The following PCDH15 variants were observed in gnomAD, a reference collection of about 807,000 sequenced individuals.
PCDH15 encodes the protein protocadherin related 15.
A neutral mutation model predicts 178.5 loss-of-function variants in PCDH15; 129 were observed. That is an observed-to-expected ratio of 0.72 (90% confidence interval 0.63 to 0.84). PCDH15 has a LOEUF of 0.84. PCDH15 is among the 40% of genes least tolerant of loss of function. PCDH15 has a pLI of 0.00. For synonymous variants in PCDH15, 800 were observed against 732.0 expected, an observed-to-expected ratio of 1.09 and a Z score of -1.50; for missense variants, 2,230 against 2,099.9, an observed-to-expected ratio of 1.06 and a Z score of -1.21.
At chr10:53,968,476 C>A (rs1438759236) in intron 21 of PCDH15, among the ~76,000 whole-genome samples, 1 of 152,174 alleles carries the variant, frequency 6.6e-6, no homozygotes, top group Non-Finnish European at 1.5e-5. Flanking sequence ...ACTTCAATAT[C>A]CCTGTCTGAC....
chr10:53,968,905 CA>C (rs1458585051), intron 21 of PCDH15, among the ~76,000 whole-genome samples: 4 of 152,144 alleles, frequency 2.6e-5, no homozygotes, highest in Non-Finnish European at 5.9e-5. Context: ...GGGGAGAAAC[CA>C]GAGCAGAAAA....
At chr10:55,625,665 G>A (rs904431787) in intron 2 of PCDH15, among the ~76,000 whole-genome samples, 6 of 152,118 alleles carry the variant, frequency 3.9e-5, no homozygotes, top group African/African-American at 1.4e-4. Context: ...GGATTCTAAA[G>A]TCTTTTCAAA....
At chr10:54,050,753 G>C (rs956643845) in intron 18 of PCDH15, among the ~76,000 whole-genome samples, 2 of 152,102 alleles carry the variant, frequency 1.3e-5, no homozygotes, top group African/African-American at 4.8e-5. Context: ...GCATCGCTGA[G>C]ATTCTGGTGT....
At chr10:55,241,433 C>T (rs1841539072) in intron 1 of PCDH15, among the ~76,000 whole-genome samples, 1 of 151,856 alleles carries the variant, frequency 6.6e-6, no homozygotes, top group African/African-American at 2.4e-5. Flanking sequence ...TTGTTAAATG[C>T]CCTTTCTTTT....
At chr10:53,984,144 T>C (rs1355305444) in intron 21 of PCDH15, among the ~76,000 whole-genome samples, 1 of 63,926 alleles carries the variant, frequency 1.6e-5, no homozygotes, top group African/African-American at 4.1e-5. Flanking sequence ...TTCTTTTTTC[T>C]TTTCTTTTTT....
At chr10:55,087,585 G>T (rs1320897360) in intron 2 of PCDH15, among the ~76,000 whole-genome samples, 1 of 152,068 alleles carries the variant, frequency 6.6e-6, no homozygotes, top group African/African-American at 2.4e-5. Context: ...CTGGGTGGAG[G>T]CTTCCCTGGA....
intron 8 of PCDH15, among the ~76,000 whole-genome samples, chr10:54,300,153 AAGAGT>A (rs2060062735): frequency 6.6e-6 from 1 of 152,074 alleles, no homozygotes; most frequent in Non-Finnish European, 1.5e-5. Flanking sequence ...TTCTTAGGGG[AAGAGT>A]GTTGTTTTTA....
At chr10:54,160,269 T>C (rs914206736) in intron 13 of PCDH15, among the ~76,000 whole-genome samples, 1 of 152,186 alleles carries the variant, frequency 6.6e-6, no homozygotes, top group African/African-American at 2.4e-5. Flanking sequence ...TTTGGAATTG[T>C]TGATTTCTAG....
chr10:54,899,220 T>C (rs1245671884), intron 2 of PCDH15, among the ~76,000 whole-genome samples: 2 of 152,160 alleles, frequency 1.3e-5, no homozygotes, highest in African/African-American at 2.4e-5. Flanking sequence ...TACATGAAGA[T>C]GATGCAAATA....
chr10:54,442,422 A>T (rs1218036683), intron 3 of PCDH15, among the ~76,000 whole-genome samples: 5 of 57,422 alleles, frequency 8.7e-5, no homozygotes, highest in African/African-American at 3.3e-4. Context: ...GGCTATATAT[A>T]TATATATATA....
chr10:54,952,634 T>A (rs1398678674), intron 2 of PCDH15, among the ~76,000 whole-genome samples: 1 of 151,766 alleles, frequency 6.6e-6, no homozygotes, highest in Admixed American at 6.6e-5. Flanking sequence ...ATACATAGAA[T>A]ATCTTTCCGT....
chr10:54,367,940 A>G (rs1379688985), intron 5 of PCDH15, among the ~76,000 whole-genome samples: 1 of 151,878 alleles, frequency 6.6e-6, no homozygotes. Context: ...AAGCAAATGT[A>G]ACTCAAAGGG....
intron 2 of PCDH15, among the ~76,000 whole-genome samples, chr10:55,564,565 C>G (rs754612308): frequency 1.3e-5 from 2 of 151,552 alleles, no homozygotes; most frequent in African/African-American, 2.4e-5. Context: ...AAGACTGATA[C>G]TGGCAGCATG....
intron 2 of PCDH15, among the ~76,000 whole-genome samples, chr10:55,069,064 T>A (rs1341012850): frequency 1.3e-4 from 1 of 7,734 alleles, no homozygotes; most frequent in African/African-American, 7.1e-4. Context: ...TGTCCAGCTA[T>A]TTTTTTTTTT....
intron 2 of PCDH15, among the ~76,000 whole-genome samples, chr10:55,340,260 T>C (rs1475999537): frequency 6.6e-6 from 1 of 151,076 alleles, no homozygotes; most frequent in Admixed American, 6.6e-5. Flanking sequence ...ATATTACATT[T>C]CATATATCTT....
chr10:53,890,277 A>T (rs2081463379), intron 26 of PCDH15, among the ~76,000 whole-genome samples: 1 of 152,124 alleles, frequency 6.6e-6, no homozygotes, highest in Admixed American at 6.5e-5. Context: ...AATACAAAAA[A>T]TTAGCTAGAC....
chr10:55,031,100 T>G (rs1177191996), intron 2 of PCDH15, among the ~76,000 whole-genome samples: 1 of 152,154 alleles, frequency 6.6e-6, no homozygotes, highest in Non-Finnish European at 1.5e-5. Context: ...ACTGTAAGAT[T>G]TGTTTATACC....
At chr10:55,128,715 A>G (rs1334911667) in intron 2 of PCDH15, among the ~76,000 whole-genome samples, 2 of 151,968 alleles carry the variant, frequency 1.3e-5, no homozygotes, top group African/African-American at 2.4e-5. Flanking sequence ...ATTAAATGCT[A>G]TGGGTAGCCA....
intron 25 of PCDH15, among the ~76,000 whole-genome samples, chr10:53,905,615 G>T (rs778806313): frequency 1.3e-5 from 2 of 152,084 alleles, no homozygotes; most frequent in African/African-American, 2.4e-5. Flanking sequence ...GGGATTACAG[G>T]CATGAGCCAC....
Sources: allele counts gnomAD v4.1 joint callset (sites outside exome capture counted in the v4.1 genomes callset), GRCh38; gene constraint gnomAD v4.1.1; transcripts MANE v1.5; gene names NCBI Gene and HGNC (gene_info 2026-07-23, HGNC 2026-07-21).